Variants in PEX5L observed in about 807,000 individuals in gnomAD.
PEX5L encodes the protein PEX5-related protein.
In PEX5L, 30 loss-of-function variants were observed where a neutral mutation model predicts 84.0. That is an observed-to-expected ratio of 0.36 (90% CI 0.27 to 0.48). PEX5L has a LOEUF of 0.48. PEX5L is among the 20% of genes least tolerant of loss of function. The probability of loss-of-function intolerance (pLI) is 0.99; values close to 1 mark genes in which losing one functional copy is unlikely to be tolerated. For synonymous variants in PEX5L, 270 were observed against 283.1 expected, an observed-to-expected ratio of 0.95 and a Z score of 0.46; for missense variants, 533 against 754.6, an observed-to-expected ratio of 0.71 and a Z score of 3.44.
chr3:179,948,505 T>C (rs930684955), intron 2 of PEX5L, among the ~76,000 whole-genome samples: 8 of 152,186 alleles, frequency 5.3e-5, no homozygotes, highest in African/African-American at 1.9e-4. Context: ...CCAGAGAAGA[T>C]GAATAAGAAG....
chr3:180,023,566 C>T (rs1451505131), intron 1 of PEX5L, among the ~76,000 whole-genome samples: 1 of 152,090 alleles, frequency 6.6e-6, no homozygotes, highest in Non-Finnish European at 1.5e-5. Flanking sequence ...CCTGACCAAG[C>T]ACTCACAGAT....
At chr3:179,954,320 A>G (rs1402419099) in intron 2 of PEX5L, among the ~76,000 whole-genome samples, 1 of 152,142 alleles carries the variant, frequency 6.6e-6, no homozygotes, top group Non-Finnish European at 1.5e-5. Context: ...CTTCAGGCCA[A>G]TTATGAGTAA....
At chr3:180,006,396 A>G (rs1788901501) in intron 1 of PEX5L, among the ~76,000 whole-genome samples, 1 of 152,136 alleles carries the variant, frequency 6.6e-6, no homozygotes, top group Admixed American at 6.5e-5. Context: ...AAAAATATAT[A>G]AGGTCATTGA....
intron 1 of PEX5L, among the ~76,000 whole-genome samples, chr3:179,995,189 CT>C (rs751262355): frequency 2.0e-4 from 30 of 146,488 alleles, no homozygotes; most frequent in Admixed American, 4.1e-4. Flanking sequence ...ACACTATATA[CT>C]ATATATAGTG....
chr3:179,942,493 T>TGCA (rs535230931), intron 2 of PEX5L, among the ~76,000 whole-genome samples: 3 of 152,256 alleles, frequency 2.0e-5, no homozygotes, highest in Non-Finnish European at 2.9e-5. Context: ...CCAGCGCTTC[T>TGCA]GCAGGGCAGT....
intron 2 of PEX5L, among the ~76,000 whole-genome samples, chr3:179,948,340 T>A (rs1001797804): frequency 3.2e-4 from 48 of 152,310 alleles, no homozygotes; most frequent in African/African-American, 1.2e-3. Context: ...TCTTCCTTCT[T>A]GAAGGATTTC....
In PEX5L at chr3:179,823,893, A is replaced by G. The variant is rs60424195; in HGVS notation, c.823-3917T>C. 9.2e-3 allele frequency among the ~76,000 whole-genome samples: 1,401 copies of G among 152,222 alleles called. 18 individuals carry two copies. Among genetic ancestry groups the G allele is most frequent in the African/African-American group, 0.032 (1,333 of 41,486 alleles). On this transcript the variant is annotated intron_variant, in intron 8 of 14. Transcript: ENST00000467460. Reference sequence around the variant, plus strand: ...AGGCAGAAGGAAGATCTTAGCACAGAATCACATTTTTTTTTAAAGGGGCCT... The same window carrying G: ...AGGCAGAAGGAAGATCTTAGCACAGGATCACATTTTTTTTTAAAGGGGCCT...
rs760177695 is a variant in PEX5L at position 179,898,286 on chromosome 3, T to G, written c.94-40A>C. 12 of 1,334,676 alleles carry G rather than the reference T, an allele frequency of 9.0e-6. No homozygotes were observed. The South Asian group carries it at 1.5e-4, about 17-fold the overall frequency. 82.7% of individuals were successfully genotyped at this position (1,334,676 alleles called of 1,614,324 possible). On this transcript the variant is annotated intron_variant, in intron 2 of 14. Coordinates refer to ENST00000467460, the MANE Select transcript of PEX5L (RefSeq NM_016559.3). The stretch of plus-strand genomic sequence containing the variant: ...TCAACAATGACTGTGTCAGGAGAGA[T>G]CTTTAACTTATTATTTATTACAAGA...
intron 1 of PEX5L, among the ~76,000 whole-genome samples, chr3:180,016,375 A>G (rs1789949497): frequency 6.6e-6 from 1 of 152,216 alleles, no homozygotes; most frequent in African/African-American, 2.4e-5. Flanking sequence ...ATATATGTGA[A>G]TGTTTAAAAT....
intron 1 of PEX5L, among the ~76,000 whole-genome samples, chr3:180,029,042 T>C (rs1791213449): frequency 6.6e-6 from 1 of 152,200 alleles, no homozygotes; most frequent in African/African-American, 2.4e-5. Flanking sequence ...ATCACATCTC[T>C]AGCAGTGTGT....
At chr3:179,891,240 T>G (rs560587185) in intron 3 of PEX5L, among the ~76,000 whole-genome samples, 5 of 152,178 alleles carry the variant, frequency 3.3e-5, no homozygotes, top group Non-Finnish European at 7.4e-5. Context: ...TATAACTGCC[T>G]GACTTCTACA....
At position 179,835,204 on chromosome 3, in the gene PEX5L, C is replaced by T. The variant is rs116827059; in HGVS notation, c.823-15228G>A. On this transcript the variant is annotated intron_variant, in intron 8 of 14. Coordinates refer to ENST00000467460, the MANE Select transcript of PEX5L (RefSeq NM_016559.3). The stretch of plus-strand genomic sequence containing the variant: ...TGGGGTGTTGAAAAGTATTCTGCAC[C>T]AAGTCAGAAAACATACACTCTTGTC... Among the ~76,000 whole-genome samples the T allele has an allele frequency of 2.2e-3, 331 of 152,250 alleles. 1 individual carries two copies. Among genetic ancestry groups the T allele is most frequent in the African/African-American group, 7.4e-3 (306 of 41,542 alleles).
intron 2 of PEX5L, among the ~76,000 whole-genome samples, chr3:179,957,594 G>A (rs1386156419): frequency 6.6e-6 from 1 of 152,152 alleles, no homozygotes; most frequent in African/African-American, 2.4e-5. Context: ...GCTCCTGTAG[G>A]GCAGCTGGTG....
chr3:179,903,097 AT>A (rs1262754620), intron 2 of PEX5L, among the ~76,000 whole-genome samples: 1 of 152,314 alleles, frequency 6.6e-6, no homozygotes, highest in Non-Finnish European at 1.5e-5. Flanking sequence ...CAATTAAACA[AT>A]TTTTTAGGCT....
chr3:179,845,951 C>T (rs532268663), intron 8 of PEX5L, among the ~76,000 whole-genome samples: 40 of 152,288 alleles, frequency 2.6e-4, no homozygotes, highest in African/African-American at 9.1e-4. Flanking sequence ...GGGCAGATCA[C>T]CTGAGGTCAG....
chr3:179,904,541 G>C (rs955607231), intron 2 of PEX5L, among the ~76,000 whole-genome samples: 2 of 152,112 alleles, frequency 1.3e-5, no homozygotes, highest in Non-Finnish European at 2.9e-5. Context: ...AGCAGGGTGA[G>C]ATTATGACTT....
intron 14 of PEX5L, among the ~76,000 whole-genome samples, chr3:179,802,681 A>G (rs745529682): frequency 6.6e-5 from 10 of 152,180 alleles, no homozygotes; most frequent in Non-Finnish European, 1.5e-4. Flanking sequence ...TGAACACTTA[A>G]TGCATTTGCA....
At chr3:179,935,682 C>G (rs1774375734) in intron 2 of PEX5L, among the ~76,000 whole-genome samples, 1 of 152,040 alleles carries the variant, frequency 6.6e-6, no homozygotes, top group Non-Finnish European at 1.5e-5. Context: ...TTGAGTGTCC[C>G]CACCAAAACT....
intron 2 of PEX5L, among the ~76,000 whole-genome samples, chr3:179,908,111 C>T (rs1038317037): frequency 2.0e-5 from 3 of 152,328 alleles, no homozygotes; most frequent in African/African-American, 7.2e-5. Context: ...TTGACTCTGG[C>T]ACCTCTGCTT....
Sources: allele counts gnomAD v4.1 joint callset (sites outside exome capture counted in the v4.1 genomes callset), GRCh38; gene constraint gnomAD v4.1.1; transcripts MANE v1.5; gene names NCBI Gene and HGNC (gene_info 2026-07-23, HGNC 2026-07-21).